The following SUCLG2 variants were observed in gnomAD, a reference collection of about 807,000 sequenced individuals.
The protein encoded by SUCLG2 is succinate-CoA ligase GDP-forming subunit beta.
Under a neutral mutation model 47.9 loss-of-function variants are expected in SUCLG2, and 42 were observed. The observed-to-expected ratio is 0.88, with a 90% confidence interval of 0.69 to 1.14. SUCLG2 has a LOEUF of 1.14. Among genes scored for constraint, SUCLG2 ranks in the 50% most tolerant of loss-of-function variants. SUCLG2 has a pLI of 0.00. For synonymous variants in SUCLG2, 195 were observed against 197.3 expected (o/e 0.99, Z 0.10); for missense variants, 571 against 525.9 (o/e 1.09, Z -0.84).
Position 67,376,358 on chromosome 3 carries a change from A to G in SUCLG2, c.1184-499T>C, listed in dbSNP as rs1443524349. The G allele has an allele frequency of 3.0e-6, 3 of 985,292 alleles. No individual in the cohort carries two copies. The Admixed American group carries it at 1.8e-4, about 61-fold the overall frequency. 61.0% of individuals were successfully genotyped at this position (985,292 alleles called of 1,614,324 possible). On this transcript the variant is annotated intron_variant, in intron 10 of 10. Transcript: ENST00000307227. ...AAAATGAAATGGGCTGAGCCCTTCA[A>G]AACGGGCAAAGCAGCCTCTGATGGC...
intron 9 of SUCLG2, among the ~76,000 whole-genome samples, chr3:67,418,780 T>G (rs920826808): frequency 6.6e-6 from 1 of 152,150 alleles, no homozygotes; most frequent in Non-Finnish European, 1.5e-5. Context: ...TCTGCCTCTG[T>G]AGAGGTGGGG....
intron 9 of SUCLG2, among the ~76,000 whole-genome samples, chr3:67,444,140 G>C (rs1378431383): frequency 1.7e-4 from 9 of 53,460 alleles, no homozygotes; most frequent in Admixed American, 4.8e-4. Flanking sequence ...GGCCAGCCGT[G>C]CCGTCCGGGA....
At chr3:67,634,463 T>C (rs1438775615) in intron 1 of SUCLG2, among the ~76,000 whole-genome samples, 27 of 152,216 alleles carry the variant, frequency 1.8e-4, no homozygotes, top group Admixed American at 1.8e-3. Flanking sequence ...TCAAGAATTC[T>C]GGTGCAAACA....
chr3:67,400,642 TATCTC>T, intron 10 of SUCLG2, 84 bp downstream of exon 10: 1 of 1,543,754 alleles, frequency 6.5e-7, no homozygotes, highest in Non-Finnish European at 8.7e-7. Flanking sequence ...TTCGTTCTGT[TATCTC>T]AGGAAGTTTG....
At chr3:67,586,496 C>T (rs1432819173) in intron 2 of SUCLG2, among the ~76,000 whole-genome samples, 1 of 152,128 alleles carries the variant, frequency 6.6e-6, no homozygotes, top group Non-Finnish European at 1.5e-5. Context: ...GTCTAATGTG[C>T]CAATTTCAGT....
At chr3:67,500,770 G>A (rs1705475426) in intron 7 of SUCLG2, among the ~76,000 whole-genome samples, 1 of 152,134 alleles carries the variant, frequency 6.6e-6, no homozygotes, top group Non-Finnish European at 1.5e-5. Context: ...AAATGAATGG[G>A]CTAAGGTTAT....
rs749569878 is a variant in SUCLG2 at position 67,376,198 on chromosome 3, G to A, written c.1184-339C>T. ...CACTTGTCTTAAAGCCCTCTCAGAC[G>A]TCATCAGGGGTTTGGGCTGTGACCT... is the stretch of plus-strand genomic sequence containing the variant. On this transcript the variant is annotated intron_variant, in intron 10 of 10. Transcript: ENST00000307227. 74 of 985,362 alleles carry A rather than the reference G, an allele frequency of 7.5e-5. No individual in the cohort carries two copies. In the East Asian group the frequency reaches 1.6e-3, roughly 21 times the overall value. The allele number at this position is 985,362 out of a possible 1,614,324, so 61.0% of individuals were successfully genotyped here.
rs1021358086 is a variant in SUCLG2 at position 67,453,813 on chromosome 3, A to T, written c.1062+41985T>A. 2.6e-5 allele frequency among the ~76,000 whole-genome samples: 4 copies of T among 152,334 alleles called. No individual in the cohort carries two copies. The South Asian group carries it at 8.3e-4, about 32-fold the overall frequency. On this transcript the variant is annotated intron_variant, in intron 9 of 10. Coordinates refer to ENST00000307227, the MANE Select transcript of SUCLG2 (RefSeq NM_003848.4). ...TTGAAAACTACTGTGTTCACTGGTC[A>T]CATGTGTATCAGTTACAAATGTGAC...
chr3:67,445,827 C>A lies in SUCLG2; in HGVS notation c.1063-44976G>T, dbSNP rs1307454818. 3.8e-5 allele frequency among the ~76,000 whole-genome samples: 2 copies of A among 52,316 alleles called. 1 individual carries two copies. The highest frequency in any genetic ancestry group is 7.9e-5 in the Non-Finnish European group (2 of 25,318). The allele number at this position is 52,316 out of a possible 152,430, so 34.3% of individuals were successfully genotyped here. A position where few individuals can be genotyped will look rare whatever the true frequency, so the allele number is the denominator to read the frequency against. On this transcript the variant is annotated intron_variant, in intron 9 of 10. Coordinates refer to ENST00000307227, the MANE Select transcript of SUCLG2 (RefSeq NM_003848.4). ...AACTGGTTATTCTCAACTGCAGCGA[C>A]AAGTTCTGTGCTAATGAGTAACTTT...
At chr3:67,535,043 C>T (rs148881879) in intron 2 of SUCLG2, among the ~76,000 whole-genome samples, 2,369 of 152,140 alleles carry the variant, frequency 0.016, 32 homozygotes, top group Non-Finnish European at 0.025. Context: ...CTGTGTAACA[C>T]TTGTAATTTC....
chr3:67,519,503 A>G (rs1337126884), intron 5 of SUCLG2, among the ~76,000 whole-genome samples: 1 of 152,232 alleles, frequency 6.6e-6, no homozygotes, highest in African/African-American at 2.4e-5. Context: ...TATATCAATT[A>G]GCCTATGTAT....
At chr3:67,615,866 G>T (rs1700619065) in intron 1 of SUCLG2, among the ~76,000 whole-genome samples, 3 of 152,056 alleles carry the variant, frequency 2.0e-5, no homozygotes, top group South Asian at 4.1e-4. Flanking sequence ...CTTCTCTGGA[G>T]AATTGTACAT....
intron 9 of SUCLG2, among the ~76,000 whole-genome samples, chr3:67,416,407 T>C (rs1402153245): frequency 2.6e-5 from 4 of 152,220 alleles, no homozygotes; most frequent in African/African-American, 7.2e-5. Flanking sequence ...AGAAGTGACA[T>C]AGATTTATAC....
intron 9 of SUCLG2, among the ~76,000 whole-genome samples, chr3:67,430,852 A>T (rs1269601538): frequency 1.3e-5 from 2 of 152,224 alleles, no homozygotes; most frequent in African/African-American, 4.8e-5. Context: ...GAAAATCTAG[A>T]AGAAATTGAT....
chr3:67,382,398 A>G (rs1702178783), intron 10 of SUCLG2, among the ~76,000 whole-genome samples: 1 of 152,192 alleles, frequency 6.6e-6, no homozygotes, highest in Admixed American at 6.5e-5. Flanking sequence ...GCTAGAAGGA[A>G]TTCACTAGAG....
chr3:67,516,428 G>A (rs1705946548), intron 6 of SUCLG2, among the ~76,000 whole-genome samples: 2 of 152,118 alleles, frequency 1.3e-5, no homozygotes, highest in South Asian at 4.2e-4. Flanking sequence ...ATCTTGTGAT[G>A]TACATTATAC....
chr3:67,523,640 TAC>T (rs1246551414), intron 4 of SUCLG2, among the ~76,000 whole-genome samples: 3 of 152,200 alleles, frequency 2.0e-5, no homozygotes, highest in African/African-American at 7.2e-5. Flanking sequence ...TCAACATTAA[TAC>T]AAACATTTTA....
At chr3:67,454,406 A>AT (rs1704131184) in intron 9 of SUCLG2, among the ~76,000 whole-genome samples, 2 of 6,680 alleles carry the variant, frequency 3.0e-4, no homozygotes, top group South Asian at 3.6e-3. Flanking sequence ...TCAAATATAT[A>AT]AAAAAAAAAT....
intron 9 of SUCLG2, among the ~76,000 whole-genome samples, chr3:67,433,747 G>A (rs1321235254): frequency 1.3e-5 from 2 of 151,504 alleles, no homozygotes; most frequent in East Asian, 1.9e-4. Flanking sequence ...AATTTAAGGT[G>A]TAAAGACTAA....
Sources: allele counts gnomAD v4.1 joint callset (sites outside exome capture counted in the v4.1 genomes callset), GRCh38; gene constraint gnomAD v4.1.1; transcripts MANE v1.5; gene names NCBI Gene and HGNC (gene_info 2026-07-23, HGNC 2026-07-21).